KCNK10: variants seen among roughly 807,000 people sequenced by gnomAD.
KCNK10 encodes the protein potassium two pore domain channel subfamily K member 10.
Under a neutral mutation model 47.7 loss-of-function variants are expected in KCNK10, and 25 were observed. The observed-to-expected ratio is 0.52, with a 90% CI of 0.38 to 0.73. The LOEUF (loss-of-function observed/expected upper bound fraction) is 0.73. Ranked by LOEUF, KCNK10 falls within the 30% of genes least tolerant of loss-of-function variation. KCNK10 has a pLI of 0.00. For missense variants in KCNK10, 563 were observed against 714.5 expected, an observed-to-expected ratio of 0.79 and a Z score of 2.42; for synonymous variants, 303 against 285.6, an observed-to-expected ratio of 1.06 and a Z score of -0.61.
intron 1 of KCNK10, chr14:88,270,885 G>A: frequency 1.3e-6 from 1 of 776,470 alleles, no homozygotes; most frequent in East Asian, 2.4e-5. Context: ...CCAACATTCA[G>A]AGTAAAGTGC....
At chr14:88,215,625 C>G (rs1448853419) in intron 4 of KCNK10, among the ~76,000 whole-genome samples, 1 of 152,080 alleles carries the variant, frequency 6.6e-6, no homozygotes, top group Non-Finnish European at 1.5e-5. Context: ...AGACAAATGA[C>G]CGATCCAAGG....
At chr14:88,304,004 T>A (rs770557157) in intron 1 of KCNK10, among the ~76,000 whole-genome samples, 1 of 152,116 alleles carries the variant, frequency 6.6e-6, no homozygotes, top group Non-Finnish European at 1.5e-5. Flanking sequence ...ACAGGGACCA[T>A]CTCATTAGCA....
At chr14:88,270,873 C>CACCA in intron 1 of KCNK10, 1 of 778,764 alleles carries the variant, frequency 1.3e-6, no homozygotes, top group Admixed American at 1.7e-5. Context: ...CTGAAGGCGC[C>CACCA]ACCAACATTC....
At position 88,223,155 on chromosome 14, in the gene KCNK10, C is replaced by T. The variant is rs187283323; in HGVS notation, c.681+4220G>A. On this transcript the variant is annotated intron_variant, in intron 4 of 6. Transcript: ENST00000319231. ...CTACAACCTTGCACAAAACCCATCA[C>T]CTCGTTATGCAGAAAAGCATTTCTG... Among the ~76,000 whole-genome samples the T allele has an allele frequency of 1.3e-3, 194 of 152,258 alleles. 1 individual carries two copies. The highest frequency in any genetic ancestry group is 4.6e-3 in the African/African-American group (191 of 41,540).
chr14:88,187,098 A>G (rs115407830), intron 6 of KCNK10, among the ~76,000 whole-genome samples: 1 of 152,140 alleles, frequency 6.6e-6, no homozygotes, highest in African/African-American at 2.4e-5. Flanking sequence ...ACCGGTCTGG[A>G]AATTGCATTG....
At chr14:88,202,861 C>T (rs2025021) in intron 4 of KCNK10, among the ~76,000 whole-genome samples, 32,852 of 151,978 alleles carry the variant, frequency 0.22, 4,594 homozygotes, top group Non-Finnish European at 0.31. Context: ...GCAGAGCTTT[C>T]TGCTGGTGAT....
intron 4 of KCNK10, among the ~76,000 whole-genome samples, chr14:88,220,491 A>G (rs1487478122): frequency 6.8e-6 from 1 of 147,998 alleles, no homozygotes; most frequent in African/African-American, 2.5e-5. Flanking sequence ...ACAGTATGAT[A>G]TTGGAGAAAG....
intron 1 of KCNK10, among the ~76,000 whole-genome samples, chr14:88,296,784 A>T (rs764585413): frequency 1.1e-4 from 17 of 152,292 alleles, no homozygotes; most frequent in South Asian, 4.1e-4. Context: ...ACCAACATCA[A>T]CGCCTAAAAC....
intron 1 of KCNK10, among the ~76,000 whole-genome samples, chr14:88,276,128 T>C (rs181218441): frequency 6.6e-6 from 1 of 152,064 alleles, no homozygotes; most frequent in East Asian, 1.9e-4. Flanking sequence ...ACGGTCTGAA[T>C]TTTTGTGTCC....
intron 4 of KCNK10, among the ~76,000 whole-genome samples, chr14:88,197,641 A>T (rs2139834330): frequency 6.8e-6 from 1 of 147,732 alleles, no homozygotes; most frequent in East Asian, 2.0e-4. Context: ...GAAGACTTTA[A>T]TTAAAATTTT....
chr14:88,326,510 C>T, upstream of KCNK10: 4 of 1,402,030 alleles, frequency 2.9e-6, no homozygotes, highest in Non-Finnish European at 4.0e-6. Flanking sequence ...GCCGCAACTT[C>T]CATGGCTATT....
At chr14:88,314,023 C>A (rs1888378825) in intron 1 of KCNK10, among the ~76,000 whole-genome samples, 1 of 152,196 alleles carries the variant, frequency 6.6e-6, no homozygotes, top group Non-Finnish European at 1.5e-5. Flanking sequence ...CTCATTTGAT[C>A]ATCTCAGCAA....
intron 1 of KCNK10, among the ~76,000 whole-genome samples, chr14:88,274,029 C>T (rs576705085): frequency 6.6e-6 from 1 of 151,834 alleles, no homozygotes; most frequent in Non-Finnish European, 1.5e-5. Context: ...TCACTGGCTC[C>T]CGGAGGGGTC....
chr14:88,221,554 G>A (rs1321201664), intron 4 of KCNK10, among the ~76,000 whole-genome samples: 1 of 152,118 alleles, frequency 6.6e-6, no homozygotes, highest in African/African-American at 2.4e-5. Flanking sequence ...AACAGCAAAT[G>A]CTGATGAGGA....
Position 88,305,262 on chromosome 14 carries a change from C to T in KCNK10, c.52+17485G>A, listed in dbSNP as rs374124693. Among the ~76,000 whole-genome samples, 6 of 152,058 alleles carry T rather than the reference C, an allele frequency of 3.9e-5. No homozygotes were observed. The East Asian group carries it at 9.6e-4, about 24-fold the overall frequency. On this transcript the variant is annotated intron_variant, in intron 1 of 6. Transcript: ENST00000319231. ...GACTAGAGGCTCACAGGAACCTAAC[C>T]GTATATTTCCCCTAAAAGCAACGGT...
chr14:88,188,216 C>T, intron 5 of KCNK10, 107 bp from the exon 6 acceptor site: 1 of 1,342,704 alleles, frequency 7.4e-7, no homozygotes, highest in Non-Finnish European at 1.1e-6. Flanking sequence ...TTGTTTAACA[C>T]TCAGCTGTTA....
chr14:88,249,286 C>G (rs1886728419), intron 2 of KCNK10, among the ~76,000 whole-genome samples: 2 of 152,246 alleles, frequency 1.3e-5, no homozygotes. Context: ...TATAAAGTGA[C>G]AAGCTACTCT....
chr14:88,301,441 T>A (rs1247980990), intron 1 of KCNK10, among the ~76,000 whole-genome samples: 1 of 152,188 alleles, frequency 6.6e-6, no homozygotes, highest in Non-Finnish European at 1.5e-5. Context: ...ATAAATTTTT[T>A]AGTTTTAGTT....
chr14:88,234,895 C>CA (rs1282067578), intron 3 of KCNK10: 1 of 310,538 alleles, frequency 3.2e-6, no homozygotes, highest in Non-Finnish European at 6.4e-6. Context: ...GCCATATGAA[C>CA]AAAAAATAAA....
Sources: allele counts gnomAD v4.1 joint callset (sites outside exome capture counted in the v4.1 genomes callset), GRCh38; gene constraint gnomAD v4.1.1; transcripts MANE v1.5; gene names NCBI Gene and HGNC (gene_info 2026-07-23, HGNC 2026-07-21).